The following FGD3 variants were observed in gnomAD, a reference collection of about 807,000 sequenced individuals.
FGD3 encodes the protein FYVE, RhoGEF and PH domain-containing protein 3.
Under a neutral mutation model 71.8 loss-of-function variants are expected in FGD3, and 45 were observed. The observed-to-expected ratio is 0.63, with a 90% CI of 0.49 to 0.80. FGD3 has a LOEUF of 0.80. Ranked by LOEUF, FGD3 falls within the 30% of genes least tolerant of loss-of-function variation. FGD3 has a pLI of 0.00. For missense variants in FGD3, 844 were observed against 951.5 expected, an observed-to-expected ratio of 0.89 and a Z score of 1.49; for synonymous variants, 378 against 392.8, an observed-to-expected ratio of 0.96 and a Z score of 0.44.
Position 93,001,609 on chromosome 9 carries a change from A to G in FGD3, c.454-1316A>G, listed in dbSNP as rs184480780. Among the ~76,000 whole-genome samples the G allele has an allele frequency of 4.6e-5, 7 of 152,366 alleles. No homozygotes were observed. In the East Asian group the frequency reaches 1.2e-3, roughly 25 times the overall value. ...CAAGATGGGTCCTGGCACTAGGAAT[A>G]TAAGACTGCTTCCATTATTTTGACT... On this transcript the variant is annotated intron_variant, in intron 3 of 17. Coordinates refer to ENST00000375482, the MANE Select transcript of FGD3 (RefSeq NM_001083536.2).
At chr9:92,951,097 C>T (rs542039695) in intron 1 of FGD3, among the ~76,000 whole-genome samples, 23 of 152,246 alleles carry the variant, frequency 1.5e-4, no homozygotes, top group Admixed American at 7.2e-4. Flanking sequence ...CTGGGGGTCC[C>T]GCTCTAGGTC....
chr9:93,002,860 C>T (rs1027701374), intron 3 of FGD3, 65 bp from the exon 4 acceptor site: 1 of 1,528,428 alleles, frequency 6.5e-7, no homozygotes, highest in Non-Finnish European at 9.0e-7. Flanking sequence ...ACAGTGGCAG[C>T]CCGTTAGGTG....
intron 1 of FGD3, among the ~76,000 whole-genome samples, chr9:92,965,417 C>A (rs963340140): frequency 6.6e-6 from 1 of 152,196 alleles, no homozygotes; most frequent in Non-Finnish European, 1.5e-5. Flanking sequence ...CAAATCTTCA[C>A]AACTTGCTCA....
At chr9:92,992,623 T>C (rs1276581426) in intron 3 of FGD3, among the ~76,000 whole-genome samples, 1 of 152,086 alleles carries the variant, frequency 6.6e-6, no homozygotes, top group Non-Finnish European at 1.5e-5. Context: ...TCTATGCATC[T>C]GGGGTTGTGG....
intron 8 of FGD3, among the ~76,000 whole-genome samples, chr9:93,012,778 C>A (rs1264392471): frequency 2.6e-5 from 4 of 151,982 alleles, no homozygotes; most frequent in Non-Finnish European, 5.9e-5. Flanking sequence ...GTGTTATTGT[C>A]ATTCATTCAC....
intron 10 of FGD3, among the ~76,000 whole-genome samples, chr9:93,017,896 CAGA>C (rs1861763936): frequency 1.3e-5 from 2 of 152,252 alleles, no homozygotes; most frequent in South Asian, 4.1e-4. Flanking sequence ...GTTCCAAGCA[CAGA>C]AGATGAGCGG....
At chr9:92,977,550 T>C (rs1445133132) in intron 3 of FGD3, among the ~76,000 whole-genome samples, 2 of 152,088 alleles carry the variant, frequency 1.3e-5, no homozygotes, top group African/African-American at 4.8e-5. Flanking sequence ...CCTGGACCAC[T>C]GTGAGCTGGC....
At position 92,988,838 on chromosome 9, in the gene FGD3, G is replaced by T. The variant is rs553738636; in HGVS notation, c.453+12129G>T. On this transcript the variant is annotated intron_variant, in intron 3 of 17. Coordinates refer to ENST00000375482, the MANE Select transcript of FGD3 (RefSeq NM_001083536.2). The stretch of plus-strand genomic sequence containing the variant: ...ATGGCATGTAAGTCCTGGGTTTGGG[G>T]GTTGACAGCATGAAGATCTACCTGT... Among the ~76,000 whole-genome samples, 85 of 152,206 alleles carry T rather than the reference G, an allele frequency of 5.6e-4. 1 individual carries two copies. The South Asian group carries it at 0.017, about 30-fold the overall frequency.
chr9:92,956,131 G>GTTTT (rs1047246620), intron 1 of FGD3, among the ~76,000 whole-genome samples: 1 of 152,114 alleles, frequency 6.6e-6, no homozygotes, highest in African/African-American at 2.4e-5. Flanking sequence ...TTGTTTGTTT[G>GTTTT]TTTGTTTGTT....
At chr9:93,030,933 T>C (rs75776206) in intron 15 of FGD3, among the ~76,000 whole-genome samples, 4,415 of 152,024 alleles carry the variant, frequency 0.029, 81 homozygotes, top group Middle Eastern at 0.061. Context: ...ATAGGAAGTA[T>C]AAATGGATGA....
intron 3 of FGD3, among the ~76,000 whole-genome samples, chr9:92,999,079 T>A (rs1212606983): frequency 6.6e-6 from 1 of 152,214 alleles, no homozygotes; most frequent in African/African-American, 2.4e-5. Context: ...AGGTGGAGTC[T>A]ACAGAGGCAG....
At chr9:92,952,482 C>T (rs1335511498) in intron 1 of FGD3, among the ~76,000 whole-genome samples, 2 of 152,150 alleles carry the variant, frequency 1.3e-5, no homozygotes, top group African/African-American at 4.8e-5. Context: ...CGTGATCCGC[C>T]TGCCTCGCCC....
chr9:93,010,222 C>T (rs1861256568), intron 6 of FGD3, 24 bp from the exon 7 acceptor site: 1 of 1,590,490 alleles, frequency 6.3e-7, no homozygotes, highest in East Asian at 2.3e-5. Flanking sequence ...CTTGGAGTGC[C>T]CAATGCTCCC....
intron 1 of FGD3, among the ~76,000 whole-genome samples, chr9:92,956,398 C>T (rs1042221090): frequency 3.9e-5 from 6 of 152,076 alleles, no homozygotes; most frequent in Non-Finnish European, 5.9e-5. Flanking sequence ...CCAGTACCTC[C>T]GAATGTAACT....
intron 1 of FGD3, among the ~76,000 whole-genome samples, chr9:92,958,506 C>T (rs1028659120): frequency 1.3e-5 from 2 of 152,126 alleles, no homozygotes; most frequent in Admixed American, 6.5e-5. Flanking sequence ...GGCCTTTTCA[C>T]GTTCCTAATG....
chr9:92,971,215 AAC>A, intron 1 of FGD3, among the ~76,000 whole-genome samples: 1 of 152,322 alleles, frequency 6.6e-6, no homozygotes. Flanking sequence ...CAGGATCCAT[AAC>A]ACAGGTGTTT....
In FGD3 at chr9:93,013,752, C is replaced by A. The variant is rs982140972; in HGVS notation, c.1036-100C>A. The A allele has an allele frequency of 6.7e-6, 10 of 1,499,392 alleles. No homozygotes were observed. In the African/African-American group the frequency reaches 9.8e-5, roughly 15 times the overall value. The allele number at this position is 1,499,392 out of a possible 1,614,324, so 92.9% of individuals were successfully genotyped here. ...CCTTGTCAGTAGCTCATTGCCCTCT[C>A]TGGATTCTGGGCCACGGTTGCAGGG... On this transcript the variant is annotated intron_variant, in intron 8 of 17. Transcript: ENST00000375482.
chr9:93,019,843 GAAGA>G lies in FGD3; in HGVS notation c.1374_1377del (p.Lys458AsnfsTer51). 1.9e-6 allele frequency: 3 copies of G among 1,614,096 alleles called. No homozygotes were observed. The highest frequency in any genetic ancestry group is 2.5e-6 in the Non-Finnish European group (3 of 1,179,962). ...TTTGGTTTTTTAGGACAGAGGAAGA[GAAGA>G]AAGAATGGATTCAGGTGAAGCTTCT... On this transcript the variant is annotated frameshift_variant, in exon 12 of 18. Coordinates refer to ENST00000375482, the MANE Select transcript of FGD3 (RefSeq NM_001083536.2). LOFTEE classifies it high-confidence loss of function.
intron 1 of FGD3, among the ~76,000 whole-genome samples, chr9:92,956,412 T>C (rs1367809987): frequency 1.3e-5 from 2 of 152,162 alleles, no homozygotes; most frequent in African/African-American, 2.4e-5. Context: ...TGTAACTGTG[T>C]TGGAGACAGG....
Sources: allele counts gnomAD v4.1 joint callset (sites outside exome capture counted in the v4.1 genomes callset), GRCh38; gene constraint gnomAD v4.1.1; transcripts MANE v1.5; gene names NCBI Gene and HGNC (gene_info 2026-07-23, HGNC 2026-07-21).